DIP2C: variants seen among roughly 807,000 people sequenced by gnomAD.
DIP2C encodes DIP2 acetate--CoA ligase C (putative), also known as disco-interacting protein 2 homolog C.
A neutral mutation model predicts 192.4 loss-of-function variants in DIP2C; 33 were observed. That is an observed-to-expected ratio of 0.17 (90% CI 0.13 to 0.23). The LOEUF (loss-of-function observed/expected upper bound fraction) is 0.23, where lower values mean the gene tolerates loss of function less well. Ranked by LOEUF, DIP2C falls within the 10% of genes least tolerant of loss-of-function variation. DIP2C has a pLI of 1.00. For synonymous variants in DIP2C, 979 were observed against 864.1 expected (o/e 1.13, Z -2.33); for missense variants, 1,537 against 2,110.1 (o/e 0.73, Z 5.32).
intron 31 of DIP2C, among the ~76,000 whole-genome samples, chr10:320,830 G>A (rs1029312338): frequency 1.3e-5 from 2 of 152,196 alleles, no homozygotes; most frequent in East Asian, 1.9e-4. Context: ...ACATGGACAT[G>A]GTGATAAATA....
intron 1 of DIP2C, among the ~76,000 whole-genome samples, chr10:577,956 A>T (rs1363459609): frequency 9.2e-5 from 14 of 152,142 alleles, no homozygotes; most frequent in Admixed American, 7.9e-4. Context: ...CTGAAAAATC[A>T]GATTATTCTT....
chr10:567,031 A>G (rs1033306904), intron 1 of DIP2C, among the ~76,000 whole-genome samples: 6 of 152,236 alleles, frequency 3.9e-5, no homozygotes, highest in African/African-American at 1.4e-4. Flanking sequence ...GTAATTGGAA[A>G]GAAGCTAAAC....
intron 32 of DIP2C, among the ~76,000 whole-genome samples, chr10:307,741 G>A (rs561633119): frequency 1.1e-4 from 16 of 152,370 alleles, no homozygotes; most frequent in Middle Eastern, 3.4e-3. Context: ...GAAGGGCAGC[G>A]TGGTGTCCCA....
chr10:499,470 T>C (rs1400508289), intron 1 of DIP2C, among the ~76,000 whole-genome samples: 1 of 152,124 alleles, frequency 6.6e-6, no homozygotes, highest in East Asian at 1.9e-4. Flanking sequence ...CTTATGATCA[T>C]GGCAGAAGGC....
chr10:520,090 T>C (rs1268499430), intron 1 of DIP2C, among the ~76,000 whole-genome samples: 1 of 152,226 alleles, frequency 6.6e-6, no homozygotes, highest in African/African-American at 2.4e-5. Flanking sequence ...TCTGAATTAA[T>C]GGGTAACACT....
At chr10:377,497 G>A (rs756299163) in intron 17 of DIP2C, among the ~76,000 whole-genome samples, 4 of 152,222 alleles carry the variant, frequency 2.6e-5, no homozygotes, top group Non-Finnish European at 4.4e-5. Flanking sequence ...TTTTCATCTC[G>A]AAACTACTCT....
chr10:287,754 A>G (rs1263265619), intron 33 of DIP2C, among the ~76,000 whole-genome samples: 4 of 152,180 alleles, frequency 2.6e-5, no homozygotes, highest in Non-Finnish European at 4.4e-5. Context: ...CAAAAAAACA[A>G]AAACAGAAAC....
intron 1 of DIP2C, among the ~76,000 whole-genome samples, chr10:584,215 C>G (rs140759124): frequency 2.0e-5 from 3 of 152,310 alleles, no homozygotes; most frequent in Non-Finnish European, 2.9e-5. Flanking sequence ...ACCAATACTC[C>G]CCTATTCAAC....
intron 14 of DIP2C, among the ~76,000 whole-genome samples, chr10:386,095 G>T (rs1489536012): frequency 6.6e-6 from 1 of 152,140 alleles, no homozygotes. Flanking sequence ...ACGAGGCCTC[G>T]AAAGCAGGGC....
chr10:321,502 A>C (rs1172277754), intron 31 of DIP2C, among the ~76,000 whole-genome samples: 2 of 149,940 alleles, frequency 1.3e-5, no homozygotes, highest in Non-Finnish European at 3.0e-5. Flanking sequence ...GGCGTCCCCC[A>C]CCAGAGTGCA....
intron 2 of DIP2C, among the ~76,000 whole-genome samples, chr10:482,994 G>C (rs995835143): frequency 3.3e-5 from 5 of 152,108 alleles, no homozygotes; most frequent in Admixed American, 3.3e-4. Flanking sequence ...ATTTCTTCCT[G>C]GCTCCGGACA....
At chr10:659,534 C>T (rs995539900) in intron 1 of DIP2C, among the ~76,000 whole-genome samples, 1 of 152,248 alleles carries the variant, frequency 6.6e-6, no homozygotes, top group Non-Finnish European at 1.5e-5. Context: ...ACACAGCACA[C>T]ATACACACAT....
chr10:607,996 G>A (rs1209792857), intron 1 of DIP2C, among the ~76,000 whole-genome samples: 1 of 151,530 alleles, frequency 6.6e-6, no homozygotes, highest in African/African-American at 2.4e-5. Context: ...AACCAAAATC[G>A]GAGTCCGCAG....
chr10:389,984 A>AC lies in DIP2C; in HGVS notation c.1597+6dup, dbSNP rs1460002267. 3.7e-6 allele frequency: 6 copies of AC among 1,610,050 alleles called. No individual in the cohort carries two copies. The highest frequency in any genetic ancestry group is 1.7e-5 in the Admixed American group (1 of 59,530). ...GGGTCCCAAGGAGTCAGGGTCTGGC[A>AC]CCCCACCTTCCGTGTAGCCACACGC... On this transcript the variant is annotated splice_region_variant and intron_variant, in intron 13 of 36. Coordinates refer to ENST00000280886, the MANE Select transcript of DIP2C (RefSeq NM_014974.3).
chr10:629,893 G>A (rs1212218151), intron 1 of DIP2C: 12 of 152,228 alleles, frequency 7.9e-5, no homozygotes, highest in African/African-American at 2.9e-4. Flanking sequence ...CAATGTGTGG[G>A]GTTCTAGGAA....
At chr10:454,322 A>G (rs1196845789) in intron 3 of DIP2C, among the ~76,000 whole-genome samples, 1 of 152,204 alleles carries the variant, frequency 6.6e-6, no homozygotes, top group Non-Finnish European at 1.5e-5. Flanking sequence ...TTGGTTAACT[A>G]AAATACATTT....
rs557762477 is a variant in DIP2C at position 333,484 on chromosome 10, A to G, written c.3585-3883T>C. Among the ~76,000 whole-genome samples, 12 of 152,276 alleles carry G rather than the reference A, an allele frequency of 7.9e-5. No individual in the cohort carries two copies. In the South Asian group the frequency reaches 2.5e-3, roughly 32 times the overall value. On this transcript the variant is annotated intron_variant, in intron 29 of 36. Transcript: ENST00000280886. Reference sequence around the variant, plus strand: ...TTCCCTCCCTCAGCAGGTGCTTCTGAGCTCATCCTGTGCAGAAGCACCCAC... The same window carrying G: ...TTCCCTCCCTCAGCAGGTGCTTCTGGGCTCATCCTGTGCAGAAGCACCCAC...
At chr10:583,104 T>A (rs537671280) in intron 1 of DIP2C, among the ~76,000 whole-genome samples, 1 of 152,268 alleles carries the variant, frequency 6.6e-6, no homozygotes, top group East Asian at 1.9e-4. Context: ...ACTACTTTTA[T>A]CCCCCACAAC....
At chr10:523,233 G>A (rs1846826343) in intron 1 of DIP2C, among the ~76,000 whole-genome samples, 1 of 148,726 alleles carries the variant, frequency 6.7e-6, no homozygotes, top group African/African-American at 2.5e-5. Flanking sequence ...GAGTAAGGAT[G>A]CAGGGACTGT....
Sources: gnomAD v4.1 joint callset for allele counts (sites outside exome capture counted in the v4.1 genomes callset) on GRCh38, gnomAD v4.1.1 for gene constraint, MANE v1.5 for transcripts, NCBI Gene and HGNC (gene_info 2026-07-23, HGNC 2026-07-21) for gene names.